CLCNKA: variants seen among roughly 807,000 people sequenced by gnomAD.
CLCNKA encodes chloride channel protein ClC-Ka.
CLCNKA carries 66 observed loss-of-function variants against 83.3 expected under a neutral mutation model. The observed-to-expected ratio is 0.79, with a 90% CI of 0.65 to 0.97. The LOEUF (loss-of-function observed/expected upper bound fraction) is 0.97. Among genes scored for constraint, CLCNKA ranks in the 50% least tolerant of loss-of-function variants. CLCNKA has a pLI of 0.00. For synonymous variants in CLCNKA, 357 were observed against 370.4 expected (o/e 0.96, Z 0.42); for missense variants, 806 against 888.7 (o/e 0.91, Z 1.18).
At chr1:16,032,137 G>A (rs536890886) in intron 16 of CLCNKA, 66 bp from the exon 17 acceptor site, 93 of 1,486,094 alleles carry the variant, frequency 6.3e-5, no homozygotes, top group South Asian at 3.3e-4. Flanking sequence ...AGGTCTTCCG[G>A]AAGCTTGGCC....
chr1:16,024,124 A>T (rs573336552), intron 3 of CLCNKA, among the ~76,000 whole-genome samples, 196 bp downstream of exon 3: 223 of 152,352 alleles, frequency 1.5e-3, no homozygotes, highest in African/African-American at 5.1e-3. Flanking sequence ...TCAGCCGCAC[A>T]AGGAAGAGAG....
In CLCNKA at chr1:16,026,020, C is replaced by T. The variant is rs561784910; in HGVS notation, c.359-88C>T. 33 of 1,575,944 alleles carry T rather than the reference C, an allele frequency of 2.1e-5. 1 individual carries two copies. In the South Asian group the frequency reaches 2.5e-4, roughly 12 times the overall value. ...CCGCCTGCCTCGGCCTCCCAAAGTG[C>T]TGGGATTACAGGCGTGAGCCACTGC... On this transcript the variant is annotated intron_variant, in intron 4 of 19. Coordinates refer to ENST00000331433, the MANE Select transcript of CLCNKA (RefSeq NM_004070.4).
chr1:16,027,474 G>A, intron 8 of CLCNKA, 39 bp downstream of exon 8: 1 of 1,611,022 alleles, frequency 6.2e-7, no homozygotes, highest in Admixed American at 1.7e-5. Flanking sequence ...CCCTGCCTGG[G>A]GGCCGGGGCG....
In CLCNKA at chr1:16,031,702, G is replaced by A. The variant is rs370540292; in HGVS notation, c.1623-8G>A. On this transcript the variant is annotated splice_polypyrimidine_tract_variant and splice_region_variant and intron_variant, in intron 15 of 19. Coordinates refer to ENST00000331433, the MANE Select transcript of CLCNKA (RefSeq NM_004070.4). ...TCCGGGACCTGATGGGAGCCCCTCT[G>A]CCTGCAGCTCCCACCATGTGAGGGT... 70 of 1,613,596 alleles carry A rather than the reference G, an allele frequency of 4.3e-5. No individual in the cohort carries two copies. Among genetic ancestry groups the A allele is most frequent in the Non-Finnish European group, 5.7e-5 (67 of 1,180,026 alleles).
Position 16,022,695 on chromosome 1 carries a change from C to A in CLCNKA, c.76C>A (p.Pro26Thr). ...VTLQELWGPC[P>T]HIRRAIQGGL... ...TCTGCAGGAGCTGTGGGGCCCCTGT[C>A]CCCACATCCGCCGAGCCATCCAAGG... Residue 26 changes from proline (P) to threonine (T), a missense_variant, in exon 2 of 20, where the codon CCC (proline) becomes ACC (threonine). Coordinates refer to ENST00000331433, the MANE Select transcript of CLCNKA (RefSeq NM_004070.4). 6.5e-7 allele frequency: 1 copy of A among 1,549,166 alleles called. No homozygotes were observed. Among genetic ancestry groups the A allele is most frequent in the Non-Finnish European group, 8.7e-7 (1 of 1,146,528 alleles).
At position 16,033,459 on chromosome 1, in the gene CLCNKA, T is replaced by C. The variant is rs762065211; in HGVS notation, c.2017-152T>C. On this transcript the variant is annotated intron_variant, in intron 19 of 19. Transcript: ENST00000331433. The stretch of plus-strand genomic sequence containing the variant: ...TTTCTGGCCAGTGGCCAGCCTGCCC[T>C]TCTCGGCCTCAGTGATCCCATCTGT... 7.9e-5 allele frequency: 72 copies of C among 908,072 alleles called. 1 individual carries two copies. The highest frequency in any genetic ancestry group is 5.4e-4 in the Middle Eastern group (2 of 3,678). 56.3% of individuals were successfully genotyped at this position (908,072 alleles called of 1,614,324 possible).
At chr1:16,022,288 A>T (rs894963505) in intron 1 of CLCNKA, among the ~76,000 whole-genome samples, 3 of 152,048 alleles carry the variant, frequency 2.0e-5, no homozygotes, top group Non-Finnish European at 2.9e-5. Flanking sequence ...GCAGTGAGAG[A>T]GTCACAGCCC....
chr1:16,033,053 C>T, intron 18 of CLCNKA, 117 bp from the exon 19 acceptor site: 10 of 1,085,706 alleles, frequency 9.2e-6, no homozygotes, highest in Middle Eastern at 2.0e-4. Flanking sequence ...GGGTCTGTTG[C>T]CTCCCACACA....
At chr1:16,030,715 G>C (rs1190846684) in intron 15 of CLCNKA, 41 bp downstream of exon 15, 16 of 1,611,978 alleles carry the variant, frequency 9.9e-6, no homozygotes, top group Non-Finnish European at 1.2e-5. Context: ...GGGGGTCACA[G>C]TGTTTGGGCT....
At position 16,033,241 on chromosome 1, in the gene CLCNKA, C is replaced by A; in HGVS notation, c.2001C>A (p.Cys667Ter). ...CATCGCGGGGCAGAGCTGTGGGCTGCGTGTCCTGGGTGGAGGTACCAGGGT... is the reference window on the plus strand; with the variant it reads ...CATCGCGGGGCAGAGCTGTGGGCTGAGTGTCCTGGGTGGAGGTACCAGGGT... The part of the protein sequence containing the change: ...FVTSRGRAVG[C>*]VSWVEMKKAI... Residue 667 changes from cysteine (C) to a stop codon, truncating the protein, a stop_gained, in exon 19 of 20, where the codon TGC becomes TGA. Coordinates refer to ENST00000331433, the MANE Select transcript of CLCNKA (RefSeq NM_004070.4). LOFTEE classifies it high-confidence loss of function. 2.5e-6 allele frequency: 4 copies of A among 1,613,972 alleles called. No individual in the cohort carries two copies. Among genetic ancestry groups the A allele is most frequent in the Non-Finnish European group, 2.5e-6 (3 of 1,179,968 alleles).
chr1:16,029,439 G>A, intron 12 of CLCNKA, 140 bp downstream of exon 12: 1 of 1,340,944 alleles, frequency 7.5e-7, no homozygotes, highest in African/African-American at 1.4e-5. Context: ...CCCACTGCAT[G>A]GTCCTGGATA....
chr1:16,028,862 G>T lies in CLCNKA; in HGVS notation c.1053+17G>T, dbSNP rs372457533. Reference sequence around the variant, plus strand: ...GCTTCTCGGGTAAGGGGTCCTGAGCGGGGGTGGCAGGAGTGGGAACCCCCA... The same window carrying T: ...GCTTCTCGGGTAAGGGGTCCTGAGCTGGGGTGGCAGGAGTGGGAACCCCCA... On this transcript the variant is annotated intron_variant, in intron 11 of 19. Coordinates refer to ENST00000331433, the MANE Select transcript of CLCNKA (RefSeq NM_004070.4). 1.1e-4 allele frequency: 171 copies of T among 1,613,130 alleles called. No homozygotes were observed. The highest frequency in any genetic ancestry group is 1.4e-4 in the Non-Finnish European group (161 of 1,179,380).
chr1:16,032,413 C>T (rs1444827401), intron 17 of CLCNKA, 30 bp from the exon 18 acceptor site: 7 of 1,592,956 alleles, frequency 4.4e-6, no homozygotes, highest in Admixed American at 1.7e-5. Flanking sequence ...GGAGGCCGGC[C>T]CTGCACCCAT....
chr1:16,031,394 C>T (rs550155893), intron 15 of CLCNKA, among the ~76,000 whole-genome samples: 6 of 152,224 alleles, frequency 3.9e-5, no homozygotes, highest in Non-Finnish European at 7.4e-5. Flanking sequence ...AGTCACTGAC[C>T]ACCTGGCAGA....
rs200828311 is a variant in CLCNKA at position 16,029,757 on chromosome 1, C to T, written c.1254C>T (p.Thr418=). Residue 418 remains threonine (T), a synonymous_variant, in exon 13 of 20, where the codon ACC becomes ACT. Transcript: ENST00000331433. ...TCTGGATGCTGATTCTGGCCACCACCATCCCCATGCCTGCCGGGTACTTCA... is the reference window on the plus strand; with the variant it reads ...TCTGGATGCTGATTCTGGCCACCACTATCCCCATGCCTGCCGGGTACTTCA... ...MKFWMLILAT[T]IPMPAGYFMP... is the part of the protein sequence containing the mutation. The T allele has an allele frequency of 2.8e-5, 46 of 1,614,090 alleles. No individual in the cohort carries two copies. Among genetic ancestry groups the T allele is most frequent in the Non-Finnish European group, 3.8e-5 (45 of 1,180,044 alleles).
At chr1:16,024,077 TG>T in intron 3 of CLCNKA, 149 bp downstream of exon 3, 1 of 971,208 alleles carries the variant, frequency 1.0e-6, no homozygotes, top group South Asian at 1.4e-5. Context: ...TCTGTGATCC[TG>T]GGCAGGCTCC....
At chr1:16,031,639 T>A in intron 15 of CLCNKA, 71 bp from the exon 16 acceptor site, 5 of 1,609,624 alleles carry the variant, frequency 3.1e-6, no homozygotes, top group East Asian at 2.2e-5. Flanking sequence ...AAAGCTCCCC[T>A]CAGATCCCCT....
intron 17 of CLCNKA, 68 bp downstream of exon 17, chr1:16,032,359 C>G: frequency 6.5e-7 from 1 of 1,540,162 alleles, no homozygotes; most frequent in Non-Finnish European, 9.0e-7. Context: ...GGGAGGGACC[C>G]GCTGATCTCC....
At chr1:16,023,695 C>A (rs1256972681) in intron 2 of CLCNKA, 105 bp from the exon 3 acceptor site, 2 of 1,416,190 alleles carry the variant, frequency 1.4e-6, no homozygotes, top group Non-Finnish European at 2.0e-6. Flanking sequence ...ACCCCAGACT[C>A]AACTACCAGG....
Sources: allele counts gnomAD v4.1 joint callset (sites outside exome capture counted in the v4.1 genomes callset), GRCh38; gene constraint gnomAD v4.1.1; transcripts MANE v1.5; gene names NCBI Gene and HGNC (gene_info 2026-07-23, HGNC 2026-07-21).